Variants in ARMH3 observed in about 807,000 individuals in gnomAD.
The protein encoded by ARMH3 is armadillo-like helical domain-containing protein 3.
Under a neutral mutation model 99.1 loss-of-function variants are expected in ARMH3, and 60 were observed. The ratio of observed to expected loss-of-function variants is 0.61; its 90% CI spans 0.49 to 0.75. The LOEUF is 0.75. ARMH3 is among the 30% of genes least tolerant of loss of function. The pLI is 0.00. For synonymous variants in ARMH3, 285 were observed against 292.8 expected (o/e 0.97, Z 0.27); for missense variants, 679 against 843.1 (o/e 0.81, Z 2.41).
At chr10:101,944,273 T>G (rs867839067) in intron 22 of ARMH3, among the ~76,000 whole-genome samples, 96 of 25,368 alleles carry the variant, frequency 3.8e-3, no homozygotes, top group Middle Eastern at 0.025. Flanking sequence ...TATATATATA[T>G]AGAGAGAGAG....
At chr10:101,902,153 C>T (rs559687599) in intron 23 of ARMH3, among the ~76,000 whole-genome samples, 1 of 152,298 alleles carries the variant, frequency 6.6e-6, no homozygotes, top group African/African-American at 2.4e-5. Context: ...GGCCCTATTT[C>T]TTTCTGCAAA....
intron 13 of ARMH3, 23 bp downstream of exon 13, chr10:102,009,351 C>T (rs1590177083): frequency 6.3e-7 from 1 of 1,594,142 alleles, no homozygotes; most frequent in East Asian, 2.2e-5. Flanking sequence ...GAAAAAAACA[C>T]TGGGATTTTT....
At chr10:101,893,618 T>C (rs2067746300) in intron 23 of ARMH3, among the ~76,000 whole-genome samples, 1 of 151,958 alleles carries the variant, frequency 6.6e-6, no homozygotes, top group South Asian at 2.1e-4. Context: ...TTCTCTTGCC[T>C]TTCTATCTGA....
rs1259309954 is a variant in ARMH3 at position 101,947,143 on chromosome 10, C to A, written c.1706-7205G>T. ...CAGAGCTTGCAGTGAGCTGAAATCACCCCACTGCACTCCAGCCTAGGCGAC... is the reference window on the plus strand; with the variant it reads ...CAGAGCTTGCAGTGAGCTGAAATCAACCCACTGCACTCCAGCCTAGGCGAC... On this transcript the variant is annotated intron_variant, in intron 22 of 25. Coordinates refer to ENST00000370033, the MANE Select transcript of ARMH3 (RefSeq NM_024541.3). Among the ~76,000 whole-genome samples the A allele has an allele frequency of 2.6e-5, 4 of 151,796 alleles. No individual in the cohort carries two copies. The East Asian group carries it at 7.8e-4, about 30-fold the overall frequency.
chr10:102,019,101 T>A (rs1483067802), intron 8 of ARMH3, among the ~76,000 whole-genome samples: 1 of 152,054 alleles, frequency 6.6e-6, no homozygotes. Context: ...CAGGCTGGAG[T>A]GTAGTGGTGC....
chr10:102,014,827 T>A (rs1348062933), intron 8 of ARMH3, among the ~76,000 whole-genome samples: 1 of 152,156 alleles, frequency 6.6e-6, no homozygotes, highest in Non-Finnish European at 1.5e-5. Flanking sequence ...TGAGAACCAA[T>A]GACCTCTCCT....
chr10:101,921,033 G>C (rs989049156), intron 23 of ARMH3, among the ~76,000 whole-genome samples: 5 of 152,116 alleles, frequency 3.3e-5, no homozygotes, highest in Non-Finnish European at 5.9e-5. Flanking sequence ...TTTCAGTTTT[G>C]CAAGATGAAA....
At chr10:101,922,545 C>T (rs1043480328) in intron 23 of ARMH3, among the ~76,000 whole-genome samples, 2 of 152,168 alleles carry the variant, frequency 1.3e-5, no homozygotes, top group African/African-American at 2.4e-5. Flanking sequence ...ATACAGCCAC[C>T]GTGCCCAGCC....
At chr10:101,947,483 G>A (rs1844585452) in intron 22 of ARMH3, among the ~76,000 whole-genome samples, 1 of 151,584 alleles carries the variant, frequency 6.6e-6, no homozygotes, top group Admixed American at 6.6e-5. Flanking sequence ...TTGAGCAACA[G>A]AGCAAGACCC....
intron 22 of ARMH3, 77 bp from the exon 23 acceptor site, chr10:101,940,015 A>C: frequency 1.8e-6 from 2 of 1,126,016 alleles, no homozygotes; most frequent in Non-Finnish European, 2.6e-6. Context: ...GACACATCTC[A>C]GAATAGCACT....
chr10:102,004,870 G>A (rs2136077563), intron 14 of ARMH3, among the ~76,000 whole-genome samples: 1 of 151,860 alleles, frequency 6.6e-6, no homozygotes, highest in South Asian at 2.1e-4. Flanking sequence ...AGGAGTTCGG[G>A]ACCAGCCTGG....
Position 101,893,670 on chromosome 10 carries a change from G to GA in ARMH3, c.1782-4181dup, listed in dbSNP as rs1270076389. The stretch of plus-strand genomic sequence containing the variant: ...GAAACAAAGCAAGGACATAAGACAG[G>GA]AAAAAAAAAGAGAGAGGAAGAAGAG... On this transcript the variant is annotated intron_variant, in intron 23 of 25. Transcript: ENST00000370033. Among the ~76,000 whole-genome samples the GA allele has an allele frequency of 1.1e-3, 152 of 144,548 alleles. 1 individual carries two copies. Among genetic ancestry groups the GA allele is most frequent in the African/African-American group, 3.4e-3 (133 of 39,430 alleles). The allele number at this position is 144,548 out of a possible 152,430, so 94.8% of individuals were successfully genotyped here.
intron 23 of ARMH3, among the ~76,000 whole-genome samples, chr10:101,914,487 C>CAAA (rs60601721): frequency 1.9e-5 from 2 of 104,132 alleles, no homozygotes; most frequent in African/African-American, 7.1e-5. Flanking sequence ...GACTCTGTCT[C>CAAA]AAAAAAAAAA....
chr10:101,858,892 T>C (rs1023613461), intron 24 of ARMH3, among the ~76,000 whole-genome samples: 1 of 152,136 alleles, frequency 6.6e-6, no homozygotes, highest in African/African-American at 2.4e-5. Flanking sequence ...AGTCAACATG[T>C]TTGCTGACTA....
At chr10:101,901,146 A>C (rs2067965994) in intron 23 of ARMH3, among the ~76,000 whole-genome samples, 1 of 150,408 alleles carries the variant, frequency 6.6e-6, no homozygotes, top group African/African-American at 2.5e-5. Flanking sequence ...GGAGGATCTC[A>C]TGTGCACAAA....
At chr10:101,969,183 A>G (rs1239365664) in intron 20 of ARMH3, among the ~76,000 whole-genome samples, 4 of 152,220 alleles carry the variant, frequency 2.6e-5, no homozygotes, top group Non-Finnish European at 5.9e-5. Context: ...AACTAAAAGA[A>G]GCAATGTTGT....
Position 102,041,090 on chromosome 10 carries a change from A to ATATATATATAATAT in ARMH3, c.-11-966_-11-965insATATTATATATATA, listed in dbSNP as rs1554897209. On this transcript the variant is annotated intron_variant, in intron 1 of 25. Transcript: ENST00000370033. ...ATTGTGTGTACATATATATATATAT[A>ATATATATATAATAT]ATATATATATATATATATATATGTA... Among the ~76,000 whole-genome samples, 31 of 132,640 alleles carry ATATATATATAATAT rather than the reference A, an allele frequency of 2.3e-4. 1 individual carries two copies. Among genetic ancestry groups the ATATATATATAATAT allele is most frequent in the Admixed American group, 2.2e-3 (29 of 12,928 alleles). 87.0% of individuals were successfully genotyped at this position (132,640 alleles called of 152,430 possible).
chr10:101,985,341 TTA>T (rs1202821522), intron 19 of ARMH3, among the ~76,000 whole-genome samples: 1 of 150,364 alleles, frequency 6.7e-6, no homozygotes, highest in Non-Finnish European at 1.5e-5. Context: ...TCGCATGGGT[TTA>T]TATATACACA....
At position 102,011,692 on chromosome 10, in the gene ARMH3, T is replaced by G. The variant is rs757051715; in HGVS notation, c.831+31A>C. 2.0e-4 allele frequency: 313 copies of G among 1,572,824 alleles called. 4 individuals are homozygous for G. The South Asian group carries it at 2.8e-3, about 14-fold the overall frequency. On this transcript the variant is annotated intron_variant, in intron 11 of 25. Transcript: ENST00000370033. ...CTGCAGACCACACTGTTTCTGTTTT[T>G]TTCAGGAGAAAAAAAAAAAGCAGGA... is the stretch of plus-strand genomic sequence containing the variant.
Sources: allele counts gnomAD v4.1 joint callset (sites outside exome capture counted in the v4.1 genomes callset), GRCh38; gene constraint gnomAD v4.1.1; transcripts MANE v1.5; gene names NCBI Gene and HGNC (gene_info 2026-07-23, HGNC 2026-07-21).